GRIK1: variants seen among roughly 807,000 people sequenced by gnomAD.
The protein encoded by GRIK1 is glutamate receptor ionotropic, kainate 1.
In GRIK1, 69 loss-of-function variants were observed where a neutral mutation model predicts 105.7. That is an observed-to-expected ratio of 0.65 (90% CI 0.54 to 0.80). The LOEUF is 0.80. Ranked by LOEUF, GRIK1 falls within the 30% of genes least tolerant of loss-of-function variation. The pLI, the probability that GRIK1 is intolerant of heterozygous loss-of-function variation, is 0.00. For synonymous variants in GRIK1, 438 were observed against 431.3 expected (o/e 1.02, Z -0.19); for missense variants, 1,109 against 1,167.3 (o/e 0.95, Z 0.73).
Position 29,555,179 on chromosome 21 carries a change from G to C in GRIK1, c.2480C>G (p.Ala827Gly), listed in dbSNP as rs369037891. Residue 827 changes from alanine to glycine, a missense_variant, in exon 16 of 18, where the codon GCC becomes GGC. Physicochemically the swap from Ala to Gly is moderately conservative, Grantham distance 60. Around this residue, in one of 5 missense-constraint regions of GRIK1, gnomAD observed 161 missense variants for 143.4 expected, o/e 1.12. Coordinates refer to ENST00000327783, the MANE Select transcript of GRIK1 (RefSeq NM_001330994.2). ...AATATTTTCCACTCCCAGGGCACTG[G>C]CTTCTTTGTTGTCTTCCTCGGGGCA... is the stretch of plus-strand genomic sequence containing the variant. ...NGCPEEDNKE[A>G]SALGVENIGG... 9 of 1,613,832 alleles carry C rather than the reference G, an allele frequency of 5.6e-6. No individual in the cohort carries two copies. The highest frequency in any genetic ancestry group is 7.6e-6 in the Non-Finnish European group (9 of 1,179,928).
intron 1 of GRIK1, among the ~76,000 whole-genome samples, chr21:29,773,163 A>AG (rs2065855368): frequency 6.6e-6 from 1 of 152,192 alleles, no homozygotes; most frequent in Non-Finnish European, 1.5e-5. Flanking sequence ...TAGTTATATA[A>AG]AAACAAAGCA....
chr21:29,569,511 G>A (rs550880356), intron 14 of GRIK1, among the ~76,000 whole-genome samples: 220 of 152,248 alleles, frequency 1.4e-3, no homozygotes, highest in Non-Finnish European at 2.5e-3. Flanking sequence ...ACACTTTCCT[G>A]TAGGTTTTAC....
intron 1 of GRIK1, chr21:29,763,880 T>C (rs2065591554): frequency 6.6e-6 from 1 of 152,228 alleles, no homozygotes; most frequent in South Asian, 2.1e-4. Context: ...TCTGGCATAC[T>C]CTCTCAGTGT....
chr21:29,861,401 G>A lies in GRIK1; in HGVS notation c.118+77982C>T, dbSNP rs79654061. Among the ~76,000 whole-genome samples, 317 of 152,192 alleles carry A rather than the reference G, an allele frequency of 2.1e-3. 4 individuals carry two copies. Among genetic ancestry groups the A allele is most frequent in the African/African-American group, 7.1e-3 (293 of 41,516 alleles). ...AGCTCACTGCAACTCTGCTACCTGG[G>A]CTCAAGTGATTCTCCTATCTCAGCC... On this transcript the variant is annotated intron_variant, in intron 1 of 17. Transcript: ENST00000327783.
intron 1 of GRIK1, among the ~76,000 whole-genome samples, chr21:29,753,643 T>G (rs16984900): frequency 0.011 from 1,616 of 152,336 alleles, 54 homozygotes; most frequent in Admixed American, 0.072. Context: ...TCACTCACTC[T>G]GTTCTAGAGT....
chr21:29,800,160 A>C (rs761785815), intron 1 of GRIK1, among the ~76,000 whole-genome samples: 17 of 152,180 alleles, frequency 1.1e-4, no homozygotes, highest in Non-Finnish European at 1.8e-4. Context: ...TGGATCACAA[A>C]AATGAAATAC....
At chr21:29,676,262 G>A (rs1324311074) in intron 3 of GRIK1, among the ~76,000 whole-genome samples, 2 of 152,176 alleles carry the variant, frequency 1.3e-5, no homozygotes, top group South Asian at 2.1e-4. Flanking sequence ...GGGAGGATCA[G>A]CAGATTTAAA....
rs1232277994 is a variant in GRIK1, at chr21:29,712,083, T to TATACACACACACACAC, written c.119-18021_119-18020insGTGTGTGTGTGTGTAT. ...GTATATAAGTATATGTATACATACA[T>TATACACACACACACAC]ACACACACACACACACACACACACA... On this transcript the variant is annotated intron_variant, in intron 1 of 17. Coordinates refer to ENST00000327783, the MANE Select transcript of GRIK1 (RefSeq NM_001330994.2). 3.9e-4 allele frequency among the ~76,000 whole-genome samples: 53 copies of TATACACACACACACAC among 135,366 alleles called. 1 individual carries two copies. The highest frequency in any genetic ancestry group is 1.3e-3 in the African/African-American group (48 of 37,126). 88.8% of individuals were successfully genotyped at this position (135,366 alleles called of 152,430 possible).
chr21:29,734,109 C>T (rs1476919625), intron 1 of GRIK1, among the ~76,000 whole-genome samples: 1 of 152,056 alleles, frequency 6.6e-6, no homozygotes, highest in Non-Finnish European at 1.5e-5. Flanking sequence ...CAAACTTGCT[C>T]CAGAACATTA....
At chr21:29,722,239 G>A (rs2064340718) in intron 1 of GRIK1, among the ~76,000 whole-genome samples, 1 of 152,056 alleles carries the variant, frequency 6.6e-6, no homozygotes, top group South Asian at 2.1e-4. Flanking sequence ...CAGCAGATTT[G>A]TGGTCACTTT....
chr21:29,908,664 T>G (rs2070721682), intron 1 of GRIK1, among the ~76,000 whole-genome samples: 1 of 152,224 alleles, frequency 6.6e-6, no homozygotes, highest in African/African-American at 2.4e-5. Flanking sequence ...TGTGATTCAT[T>G]GTAATATAAA....
chr21:29,755,270 TAGAA>T (rs2065307170), intron 1 of GRIK1, among the ~76,000 whole-genome samples: 3 of 152,148 alleles, frequency 2.0e-5, no homozygotes, highest in Admixed American at 1.3e-4. Context: ...ATCCCACACT[TAGAA>T]AGCCTAGCCT....
chr21:29,754,887 T>C (rs1199691260), intron 1 of GRIK1, among the ~76,000 whole-genome samples: 4 of 152,196 alleles, frequency 2.6e-5, no homozygotes, highest in Non-Finnish European at 4.4e-5. Flanking sequence ...GCCTGCCCTA[T>C]CGATTTCAGA....
At position 29,596,522 on chromosome 21, in the gene GRIK1, A is replaced by G. The variant is rs768626937; in HGVS notation, c.1251+4T>C. The G allele has an allele frequency of 6.2e-7, 1 of 1,601,844 alleles. No individual in the cohort carries two copies. The highest frequency in any genetic ancestry group is 1.1e-5 in the South Asian group (1 of 90,844). ...TTTCCTGCAGTTGTTGTCAGAGTAC[A>G]AACCTTCTTCCACACTTTATACAAG... On this transcript the variant is annotated splice_donor_region_variant and intron_variant, in intron 9 of 17. Transcript: ENST00000327783.
chr21:29,625,047 A>G (rs948151325), intron 7 of GRIK1, among the ~76,000 whole-genome samples: 5 of 152,250 alleles, frequency 3.3e-5, no homozygotes, highest in African/African-American at 1.2e-4. Context: ...TGTGGAGGGC[A>G]CGAGGCCATG....
intron 1 of GRIK1, among the ~76,000 whole-genome samples, chr21:29,937,158 A>T (rs549329389): frequency 6.6e-6 from 1 of 152,290 alleles, no homozygotes; most frequent in East Asian, 1.9e-4. Flanking sequence ...TTTGTATTCA[A>T]TATTGCACTT....
chr21:29,771,237 T>A (rs556596928), intron 1 of GRIK1, among the ~76,000 whole-genome samples: 280 of 152,344 alleles, frequency 1.8e-3, no homozygotes, highest in Admixed American at 3.9e-3. Context: ...CCAAAACTCA[T>A]ACTATGGCTG....
intron 14 of GRIK1, among the ~76,000 whole-genome samples, chr21:29,574,060 A>T (rs2090824904): frequency 6.6e-6 from 1 of 152,074 alleles, no homozygotes; most frequent in Admixed American, 6.5e-5. Flanking sequence ...AATACTGTAT[A>T]AACTTACCTT....
chr21:29,561,983 G>T, intron 14 of GRIK1, 134 bp from the exon 15 acceptor site: 1 of 640,296 alleles, frequency 1.6e-6, no homozygotes, highest in Admixed American at 2.4e-5. Context: ...CAAGATTGAT[G>T]ATCTCAAGGC....
Sources: allele counts gnomAD v4.1 joint callset (sites outside exome capture counted in the v4.1 genomes callset), GRCh38; gene constraint gnomAD v4.1.1; regional missense constraint gnomAD v4.1.1; transcripts MANE v1.5; gene names NCBI Gene and HGNC (gene_info 2026-07-23, HGNC 2026-07-21).